STXBP2: variants seen among roughly 807,000 people sequenced by gnomAD.
The protein encoded by STXBP2 is syntaxin binding protein 2, also known as syntaxin-binding protein 2.
In STXBP2, 47 loss-of-function variants were observed where a neutral mutation model predicts 72.2. The observed-to-expected ratio is 0.65, with a 90% CI of 0.51 to 0.83. STXBP2 has a LOEUF of 0.83. STXBP2 is among the 40% of genes least tolerant of loss of function. STXBP2 has a pLI of 0.00. For missense variants in STXBP2, 702 were observed against 807.6 expected (o/e 0.87, Z 1.58); for synonymous variants, 367 against 338.7 (o/e 1.08, Z -0.92).
chr19:7,630,459 T>G, the STXBP2 span: 1 of 799,188 alleles, frequency 1.3e-6, no homozygotes, highest in Non-Finnish European at 2.0e-6. Flanking sequence ...GATTCTTGGG[T>G]CGGCCGTAAC....
chr19:7,639,698 A>C, intron 3 of STXBP2, 33 bp from the exon 4 acceptor site: 40 of 1,606,062 alleles, frequency 2.5e-5, no homozygotes, highest in African/African-American at 4.0e-5. Flanking sequence ...CCTGGATGCC[A>C]CCCACCTGTG....
At chr19:7,645,092 G>T in intron 14 of STXBP2, 105 bp from the exon 15 acceptor site, 3 of 1,474,312 alleles carry the variant, frequency 2.0e-6, no homozygotes, top group Non-Finnish European at 2.8e-6. Flanking sequence ...CCACTGCAAG[G>T]TTCTCTCATC....
chr19:7,632,189 G>T, upstream of STXBP2: 1 of 798,844 alleles, frequency 1.3e-6, no homozygotes, highest in Non-Finnish European at 1.9e-6. The surrounding 1 kb of genome is among the most constrained non-coding windows in gnomAD (Gnocchi z 5.2). Context: ...ACAAGTTCCA[G>T]CCATGGGTCT....
chr19:7,643,281 C>T lies in STXBP2; in HGVS notation c.1107+36C>T, dbSNP rs371853764. On this transcript the variant is annotated intron_variant, in intron 13 of 18. Transcript: ENST00000221283. Reference sequence around the variant, plus strand: ...GCTTGCGGGGGGCAGGGGTGATGGTCCTGCCAAGGCGGGGTATTGGGGAGG... The same window carrying T: ...GCTTGCGGGGGGCAGGGGTGATGGTTCTGCCAAGGCGGGGTATTGGGGAGG... 3.4e-3 allele frequency: 5,438 copies of T among 1,606,416 alleles called. 193 individuals are homozygous for T. In the South Asian group the frequency reaches 0.057, roughly 17 times the overall value.
Position 7,639,110 on chromosome 19 carries a change from C to T in STXBP2, c.169+10C>T, listed in dbSNP as rs187240521. 6.2e-6 allele frequency: 10 copies of T among 1,613,962 alleles called. No individual in the cohort carries two copies. The Admixed American group carries it at 8.3e-5, about 13-fold the overall frequency. On this transcript the variant is annotated intron_variant, in intron 3 of 18. Coordinates refer to ENST00000221283, the MANE Select transcript of STXBP2 (RefSeq NM_006949.4). Reference sequence around the variant, plus strand: ...GCTGAGGGCATCACCAGTGAGTGAACGCGTCCCCAGTGAGATGGGACCTGA... The same window carrying T: ...GCTGAGGGCATCACCAGTGAGTGAATGCGTCCCCAGTGAGATGGGACCTGA...
At chr19:7,644,867 C>T (rs2032069079) in intron 14 of STXBP2, 115 bp downstream of exon 14, 2 of 1,544,112 alleles carry the variant, frequency 1.3e-6, no homozygotes, top group East Asian at 4.7e-5. Flanking sequence ...CCGGGCTCAC[C>T]AACCCCCACA....
intron 4 of STXBP2, 143 bp downstream of exon 4, chr19:7,639,950 ATGTG>A: frequency 5.6e-6 from 4 of 720,162 alleles, no homozygotes; most frequent in Non-Finnish European, 9.2e-6. Context: ...ATGTGTGTGC[ATGTG>A]TGTGTGCATC....
chr19:7,636,999 T>A, upstream of STXBP2: 3 of 869,526 alleles, frequency 3.5e-6, no homozygotes, highest in Non-Finnish European at 1.5e-6. Flanking sequence ...CTCAACTTCC[T>A]GGGCCTGGGC....
At chr19:7,633,361 T>C (rs2031412534), upstream of STXBP2, 2 of 1,534,104 alleles carry the variant, frequency 1.3e-6, no homozygotes, top group Admixed American at 2.0e-5. Context: ...AATCATGGGC[T>C]CTGAGACCTT....
chr19:7,641,255 A>C, intron 6 of STXBP2: 2 of 552,858 alleles, frequency 3.6e-6, no homozygotes, highest in Non-Finnish European at 6.6e-6. Context: ...CTGTAGTCCT[A>C]GCTACTCATG....
chr19:7,631,711 TG>T, the STXBP2 span: 2 of 1,447,828 alleles, frequency 1.4e-6, no homozygotes, highest in Middle Eastern at 1.9e-4. Flanking sequence ...TGTCGGGGGC[TG>T]GGGGCTGCTG....
chr19:7,639,540 A>G (rs959634670), intron 3 of STXBP2, 191 bp from the exon 4 acceptor site: 1 of 643,128 alleles, frequency 1.6e-6, no homozygotes, highest in Non-Finnish European at 2.8e-6. Flanking sequence ...TGGGGAACCC[A>G]GTTGGCTGCA....
rs1427835292 is a variant in STXBP2, at chr19:7,641,212, A to G, written c.429+209A>G. ...GACCCCGTCTCTTAAAAAAAGAAAA[A>G]GAAAGAAATTAGCTTGGCGTGGTGG... On this transcript the variant is annotated intron_variant, in intron 6 of 18. Transcript: ENST00000221283. 1.1e-5 allele frequency: 7 copies of G among 642,728 alleles called. No homozygotes were observed. In the South Asian group the frequency reaches 1.2e-4, roughly 11 times the overall value. 39.8% of individuals were successfully genotyped at this position (642,728 alleles called of 1,614,324 possible).
chr19:7,630,820 C>T, the STXBP2 span: 1 of 1,537,236 alleles, frequency 6.5e-7, no homozygotes, highest in Non-Finnish European at 8.7e-7. Flanking sequence ...CTTTTCCTTA[C>T]AGAGGGAGCT....
upstream of STXBP2, chr19:7,637,024 G>C (rs1053080564): frequency 1.3e-4 from 145 of 1,085,994 alleles, no homozygotes; most frequent in African/African-American, 1.8e-3. Context: ...ACCGACGGCG[G>C]GGAGGGGCCA....
chr19:7,644,836 T>G, intron 14 of STXBP2, 84 bp downstream of exon 14: 1 of 1,601,388 alleles, frequency 6.2e-7, no homozygotes, highest in Non-Finnish European at 8.5e-7. Flanking sequence ...CCCACAGCTC[T>G]CCTTGGGTCA....
At chr19:7,639,617 C>G (rs1430884405) in intron 3 of STXBP2, 114 bp from the exon 4 acceptor site, 3 of 951,308 alleles carry the variant, frequency 3.2e-6, no homozygotes, top group East Asian at 2.6e-5. Flanking sequence ...CTCCTGCAGT[C>G]CCTCCTAAGC....
At chr19:7,635,651 G>C (rs772359894), upstream of STXBP2, among the ~76,000 whole-genome samples, 1 of 151,990 alleles carries the variant, frequency 6.6e-6, no homozygotes, top group East Asian at 1.9e-4. Flanking sequence ...AGCTATGATC[G>C]TGCCACTGCC....
Position 7,642,614 on chromosome 19 carries a change from T to C in STXBP2, c.902+78T>C. 1 of 1,570,628 alleles carries C rather than the reference T, an allele frequency of 6.4e-7. No homozygotes were observed. Among genetic ancestry groups the C allele is most frequent in the East Asian group, 2.2e-5 (1 of 44,604 alleles). Reference sequence around the variant, plus strand: ...TAGCGGCCTTGGGATCCCTGGCTGCTGCCAAGTCTTTGGCCCTCATGAGCA... The same window carrying C: ...TAGCGGCCTTGGGATCCCTGGCTGCCGCCAAGTCTTTGGCCCTCATGAGCA... On this transcript the variant is annotated intron_variant, in intron 10 of 18. Transcript: ENST00000221283. The surrounding 1 kb of genome is among the most constrained non-coding windows in gnomAD (Gnocchi z 6.0).
Sources: gnomAD v4.1 joint callset for allele counts (sites outside exome capture counted in the v4.1 genomes callset) on GRCh38, gnomAD v4.1.1 for gene constraint, Gnocchi (gnomAD v3.1) non-coding constraint, MANE v1.5 for transcripts, NCBI Gene and HGNC (gene_info 2026-07-23, HGNC 2026-07-21) for gene names.